Variants in GRIK2 observed in about 807,000 individuals in gnomAD.
The protein encoded by GRIK2 is glutamate receptor ionotropic, kainate 2.
In GRIK2, 32 loss-of-function variants were observed where a neutral mutation model predicts 100.3. The ratio of observed to expected loss-of-function variants is 0.32; its 90% CI spans 0.24 to 0.43. The LOEUF (loss-of-function observed/expected upper bound fraction) is 0.43. Ranked by LOEUF, GRIK2 falls within the 20% of genes least tolerant of loss-of-function variation. GRIK2 has a pLI of 1.00. For missense variants in GRIK2, 843 were observed against 1,114.9 expected (o/e 0.76, Z 3.47); for synonymous variants, 417 against 389.4 (o/e 1.07, Z -0.83).
At chr6:102,040,409 C>T (rs529027368) in intron 15 of GRIK2, among the ~76,000 whole-genome samples, 3 of 151,504 alleles carry the variant, frequency 2.0e-5, no homozygotes, top group African/African-American at 7.2e-5. Context: ...CCTCAAGTAA[C>T]TTTTATCAAA....
At chr6:101,676,447 G>A (rs940925741) in intron 4 of GRIK2, among the ~76,000 whole-genome samples, 176 bp from the exon 5 acceptor site, 73 of 152,102 alleles carry the variant, frequency 4.8e-4, no homozygotes, top group African/African-American at 1.6e-3. Context: ...AAAATTATGC[G>A]TTCTTGGCCG....
intron 2 of GRIK2, among the ~76,000 whole-genome samples, chr6:101,566,892 A>G (rs765291023): frequency 2.3e-4 from 35 of 150,588 alleles, no homozygotes; most frequent in Non-Finnish European, 4.1e-4. Context: ...TCAGATATGT[A>G]TACATATATA....
At chr6:101,437,821 T>C (rs1381514645) in intron 2 of GRIK2, among the ~76,000 whole-genome samples, 1 of 152,068 alleles carries the variant, frequency 6.6e-6, no homozygotes, top group Non-Finnish European at 1.5e-5. Context: ...CAAATCATTC[T>C]AATAGAGTGC....
intron 2 of GRIK2, among the ~76,000 whole-genome samples, chr6:101,450,117 C>A (rs564590248): frequency 2.0e-5 from 3 of 151,812 alleles, no homozygotes; most frequent in South Asian, 2.1e-4. Context: ...AATTATGTAA[C>A]TGCCCTCAAG....
At chr6:101,618,649 C>A (rs966424848) in intron 2 of GRIK2, among the ~76,000 whole-genome samples, 47 of 151,736 alleles carry the variant, frequency 3.1e-4, no homozygotes, top group African/African-American at 1.1e-3. Context: ...GTGGCTTCCT[C>A]TGTAATCAAT....
chr6:101,963,024 T>G (rs1792401732), intron 14 of GRIK2, among the ~76,000 whole-genome samples: 1 of 151,696 alleles, frequency 6.6e-6, no homozygotes, highest in Non-Finnish European at 1.5e-5. Flanking sequence ...GCCTTTTGAT[T>G]TGATTGTACA....
intron 14 of GRIK2, among the ~76,000 whole-genome samples, chr6:101,957,395 A>G (rs547682198): frequency 6.6e-6 from 1 of 151,674 alleles, no homozygotes; most frequent in Non-Finnish European, 1.5e-5. Flanking sequence ...TATTAGCCCT[A>G]TGTCACACAC....
chr6:101,823,022 A>C (rs1362785326), intron 10 of GRIK2, among the ~76,000 whole-genome samples: 1 of 152,340 alleles, frequency 6.6e-6, no homozygotes, highest in Non-Finnish European at 1.5e-5. Flanking sequence ...TGATGCCCTT[A>C]GAGATGTGCC....
chr6:101,705,313 T>C (rs183029170), intron 7 of GRIK2, among the ~76,000 whole-genome samples: 2 of 151,768 alleles, frequency 1.3e-5, no homozygotes, highest in Admixed American at 1.3e-4. Context: ...TTTTTTTAAC[T>C]GTAGCCTATT....
intron 2 of GRIK2, among the ~76,000 whole-genome samples, chr6:101,451,303 A>C (rs1770665985): frequency 6.6e-6 from 1 of 151,660 alleles, no homozygotes; most frequent in Non-Finnish European, 1.5e-5. Flanking sequence ...TCCCTATGAG[A>C]TGCTATATAG....
chr6:101,741,486 G>A (rs549907449), intron 7 of GRIK2, among the ~76,000 whole-genome samples: 2 of 152,280 alleles, frequency 1.3e-5, no homozygotes, highest in South Asian at 4.1e-4. Flanking sequence ...ACCCTCAGGA[G>A]TACTCAGTGA....
At chr6:101,657,367 G>T (rs1769271526) in intron 4 of GRIK2, among the ~76,000 whole-genome samples, 1 of 152,076 alleles carries the variant, frequency 6.6e-6, no homozygotes, top group South Asian at 2.1e-4. Context: ...CAACATGATT[G>T]TAAGTTTCCT....
chr6:101,656,316 A>AAG (rs1487967689), intron 4 of GRIK2, among the ~76,000 whole-genome samples: 1 of 151,328 alleles, frequency 6.6e-6, no homozygotes, highest in Admixed American at 6.6e-5. Context: ...AAAAAAAAAA[A>AAG]GAAAAAAGAA....
At chr6:101,959,112 T>C (rs978974788) in intron 14 of GRIK2, among the ~76,000 whole-genome samples, 3 of 152,106 alleles carry the variant, frequency 2.0e-5, no homozygotes, top group African/African-American at 7.2e-5. Context: ...TACCATAAAA[T>C]TGATTGATAC....
chr6:101,660,950 G>A (rs1025603516), intron 4 of GRIK2, among the ~76,000 whole-genome samples: 6 of 152,242 alleles, frequency 3.9e-5, no homozygotes, highest in Middle Eastern at 3.4e-3. Context: ...GGAGGCATGG[G>A]GATCAGGGAC....
At position 101,426,480 on chromosome 6, in the gene GRIK2, TC is replaced by T. The variant is rs1776706408; in HGVS notation, c.115+27091del. Among the ~76,000 whole-genome samples, 3 of 152,126 alleles carry T rather than the reference TC, an allele frequency of 2.0e-5. No individual in the cohort carries two copies. In the South Asian group the frequency reaches 6.2e-4, roughly 32 times the overall value. ...ACCAACCTCTCTTTATCCCCCCTCC[TC>T]CCTACACTTCCCAGCCTTTGGTAGC... is the stretch of plus-strand genomic sequence containing the variant. On this transcript the variant is annotated intron_variant, in intron 2 of 16. Coordinates refer to ENST00000369134, the MANE Select transcript of GRIK2 (RefSeq NM_021956.5).
chr6:101,423,711 AT>A (rs1776537289), intron 2 of GRIK2, among the ~76,000 whole-genome samples: 1 of 152,114 alleles, frequency 6.6e-6, no homozygotes. Flanking sequence ...TTAATCCCTT[AT>A]AGAACTACCT....
intron 2 of GRIK2, among the ~76,000 whole-genome samples, chr6:101,533,567 C>T (rs562843208): frequency 6.6e-6 from 1 of 151,792 alleles, no homozygotes; most frequent in Non-Finnish European, 1.5e-5. Context: ...TTTTAATCTA[C>T]AAAACTATTC....
At chr6:101,974,279 CTA>C (rs1313599498) in intron 14 of GRIK2, among the ~76,000 whole-genome samples, 1 of 151,872 alleles carries the variant, frequency 6.6e-6, no homozygotes, top group Non-Finnish European at 1.5e-5. Flanking sequence ...TGAGTACGTA[CTA>C]TGTCTGCCAG....
Sources: allele counts gnomAD v4.1 joint callset (sites outside exome capture counted in the v4.1 genomes callset), GRCh38; gene constraint gnomAD v4.1.1; transcripts MANE v1.5; gene names NCBI Gene and HGNC (gene_info 2026-07-23, HGNC 2026-07-21).